Variants in NEDD9 observed in about 807,000 individuals in gnomAD.
The protein encoded by NEDD9 is enhancer of filamentation 1.
A neutral mutation model predicts 76.6 loss-of-function variants in NEDD9; 26 were observed. The observed-to-expected ratio is 0.34, with a 90% CI of 0.25 to 0.47. NEDD9 has a LOEUF of 0.47. Ranked by LOEUF, NEDD9 falls within the 20% of genes least tolerant of loss-of-function variation. The pLI is 1.00. For synonymous variants in NEDD9, 392 were observed against 414.2 expected (o/e 0.95, Z 0.65); for missense variants, 937 against 1,058.5 (o/e 0.89, Z 1.59).
intron 3 of NEDD9, among the ~76,000 whole-genome samples, chr6:11,291,397 C>T (rs923647080): frequency 2.0e-5 from 3 of 151,538 alleles, no homozygotes; most frequent in African/African-American, 7.3e-5. Context: ...GCCTCAGCCT[C>T]CCCAGTAGCT....
chr6:11,190,663 G>A lies in NEDD9; in HGVS notation c.1206C>T (p.Leu402=). The change falls in exon 5 of 7, where the codon CTC becomes CTT. Residue 402 remains leucine, a synonymous_variant. Coordinates refer to ENST00000379446, the MANE Select transcript of NEDD9 (RefSeq NM_006403.4). The surrounding 1 kb of genome is among the most constrained non-coding windows in gnomAD (Gnocchi z 5.8). ...LSASPAQDKR[L]FLDPDTAIER... is the part of the protein sequence containing the mutation. ...CAATAGCTGTGTCTGGATCCAGGAA[G>A]AGCCTTTTGTCCTGAGCTGGGGAGG... 3 of 1,614,188 alleles carry A rather than the reference G, an allele frequency of 1.9e-6. No individual in the cohort carries two copies. The highest frequency in any genetic ancestry group is 2.5e-6 in the Non-Finnish European group (3 of 1,180,036).
intron 1 of NEDD9, among the ~76,000 whole-genome samples, chr6:11,378,621 T>G (rs1458749668): frequency 6.6e-6 from 1 of 152,200 alleles, no homozygotes; most frequent in Non-Finnish European, 1.5e-5. Context: ...TATGGATACC[T>G]TATATATACT....
chr6:11,191,002 C>T lies in NEDD9; in HGVS notation c.867G>A (p.Pro289=), dbSNP rs749400455. 5.6e-6 allele frequency: 9 copies of T among 1,613,788 alleles called. No individual in the cohort carries two copies. The highest frequency in any genetic ancestry group is 4.0e-5 in the African/African-American group (3 of 74,800). The change falls in exon 5 of 7, where the codon CCG becomes CCA. Residue 289 remains proline, a synonymous_variant. Transcript: ENST00000379446. ...ACAGGCTCTGGTGCCTTCGAGCCACCGGTTCTGCAGCTCCTGGAATGTCAC... is the reference window on the plus strand; with the variant it reads ...ACAGGCTCTGGTGCCTTCGAGCCACTGGTTCTGCAGCTCCTGGAATGTCAC... ...YNCDIPGAAE[P]VARRHQSLSP...
intron 3 of NEDD9, among the ~76,000 whole-genome samples, chr6:11,243,703 A>G (rs1196022347): frequency 6.6e-6 from 1 of 152,092 alleles, no homozygotes; most frequent in African/African-American, 2.4e-5. Flanking sequence ...TCTTTTCAGG[A>G]GCCTTTCTTC....
chr6:11,363,669 T>A (rs904007929), intron 1 of NEDD9, among the ~76,000 whole-genome samples: 2 of 152,156 alleles, frequency 1.3e-5, no homozygotes, highest in Non-Finnish European at 2.9e-5. Context: ...ACCAACAACA[T>A]CCCCAGTTAC....
chr6:11,200,788 G>A (rs1409291264), intron 2 of NEDD9: 2 of 1,430,972 alleles, frequency 1.4e-6, no homozygotes, highest in East Asian at 2.5e-5. Flanking sequence ...GTTTTCTGCT[G>A]TTCGTATCAG....
At position 11,353,051 on chromosome 6, in the gene NEDD9, G is replaced by A. The variant is rs140998024; in HGVS notation, c.-213-18490C>T. Among the ~76,000 whole-genome samples, 78 of 152,340 alleles carry A rather than the reference G, an allele frequency of 5.1e-4. No homozygotes were observed. In the East Asian group the frequency reaches 6.2e-3, roughly 12 times the overall value. On this transcript the variant is annotated intron_variant, in intron 1 of 3. Transcript: ENST00000397378. The stretch of plus-strand genomic sequence containing the variant: ...CGATCACCTTTGCTGCTAGGCTTTC[G>A]CCTCCATCTCCAGATGTTCCTGTCG...
intron 1 of NEDD9, among the ~76,000 whole-genome samples, chr6:11,221,767 C>A (rs537264413): frequency 6.6e-6 from 1 of 152,082 alleles, no homozygotes; most frequent in South Asian, 2.1e-4. Flanking sequence ...GTCAAAAATG[C>A]GGGGCAGGCA....
At chr6:11,311,513 A>G (rs1053810552) in intron 2 of NEDD9, among the ~76,000 whole-genome samples, 3 of 152,220 alleles carry the variant, frequency 2.0e-5, no homozygotes, top group African/African-American at 4.8e-5. Flanking sequence ...GGGAAACTGC[A>G]TTAGAATTCT....
chr6:11,223,487 G>GA (rs56288416), intron 1 of NEDD9, among the ~76,000 whole-genome samples: 66,825 of 148,570 alleles, frequency 0.45, 15,339 homozygotes, highest in East Asian at 0.66. Context: ...CTTCCTCTAG[G>GA]AAAAAAAAAC....
intron 2 of NEDD9, among the ~76,000 whole-genome samples, chr6:11,320,610 T>C (rs1439389811): frequency 6.6e-6 from 1 of 152,204 alleles, no homozygotes; most frequent in Admixed American, 6.5e-5. Flanking sequence ...TACAACATTG[T>C]TGGTGACAGC....
At chr6:11,199,135 C>T (rs1758364192) in intron 2 of NEDD9, 1 of 152,164 alleles carries the variant, frequency 6.6e-6, no homozygotes, top group African/African-American at 2.4e-5. Context: ...AAAACAAACC[C>T]TGCTTTTTAC....
intron 1 of NEDD9, among the ~76,000 whole-genome samples, chr6:11,377,049 G>A (rs578211916): frequency 3.3e-4 from 50 of 152,376 alleles, no homozygotes; most frequent in African/African-American, 1.1e-3. Context: ...TGCTCAGAAC[G>A]CAAGTGTGAA....
At chr6:11,299,709 C>T (rs1245283029) in intron 3 of NEDD9, among the ~76,000 whole-genome samples, 1 of 152,142 alleles carries the variant, frequency 6.6e-6, no homozygotes, top group African/African-American at 2.4e-5. Context: ...CTGGTGATAC[C>T]CAGGCAAACA....
chr6:11,189,817 G>T, intron 5 of NEDD9, 147 bp downstream of exon 5: 1 of 1,039,344 alleles, frequency 9.6e-7, no homozygotes, highest in Non-Finnish European at 1.4e-6. Flanking sequence ...ACTACTCTAC[G>T]ACACTCCCTC....
rs775784477 is a variant in NEDD9 at position 11,190,827 on chromosome 6, G to A, written c.1042C>T (p.Pro348Ser). The change falls in exon 5 of 7, where the codon CCT (proline) becomes TCT (serine). Residue 348 changes from proline to serine, a missense_variant. Pro to Ser is a moderately conservative substitution (Grantham distance 74). Coordinates refer to ENST00000379446, the MANE Select transcript of NEDD9 (RefSeq NM_006403.4). This position sits in a 1 kb window ranked among gnomAD's most constrained non-coding sequence, Gnocchi z 5.8. Reference sequence around the variant, plus strand: ...TTAGCATCTGGCGGGTTATGCAGAGGGACATCATAAACACCATCCCTTTCC... The same window carrying A: ...TTAGCATCTGGCGGGTTATGCAGAGAGACATCATAAACACCATCCCTTTCC... ...PQERDGVYDV[P>S]LHNPPDAKGS... The A allele has an allele frequency of 6.2e-7, 1 of 1,614,126 alleles. No individual in the cohort carries two copies.
intron 1 of NEDD9, among the ~76,000 whole-genome samples, chr6:11,362,314 C>T (rs988996169): frequency 7.9e-5 from 12 of 152,152 alleles, no homozygotes; most frequent in Admixed American, 3.3e-4. Flanking sequence ...GTTTACAAGC[C>T]GCCTAGTCTA....
At chr6:11,346,479 C>CCG (rs1762366250) in intron 1 of NEDD9, among the ~76,000 whole-genome samples, 1 of 142,376 alleles carries the variant, frequency 7.0e-6, no homozygotes, top group Non-Finnish European at 1.5e-5. Flanking sequence ...GCTCGGAGGC[C>CCG]CCCCCCCCCG....
At chr6:11,360,566 G>A (rs528648181) in intron 1 of NEDD9, among the ~76,000 whole-genome samples, 4 of 152,062 alleles carry the variant, frequency 2.6e-5, no homozygotes, top group African/African-American at 9.6e-5. Context: ...ATGAGATCTG[G>A]TTGGTGAGAG....
Sources: gnomAD v4.1 joint callset for allele counts (sites outside exome capture counted in the v4.1 genomes callset) on GRCh38, gnomAD v4.1.1 for gene constraint, Gnocchi (gnomAD v3.1) non-coding constraint, MANE v1.5 for transcripts, NCBI Gene and HGNC (gene_info 2026-07-23, HGNC 2026-07-21) for gene names.